The following TAFA1 variants were observed in gnomAD, a reference collection of about 807,000 sequenced individuals.
TAFA1 encodes chemokine-like protein TAFA-1.
In TAFA1, 4 loss-of-function variants were observed where a neutral mutation model predicts 18.5. The ratio of observed to expected loss-of-function variants is 0.22; its 90% confidence interval spans 0.11 to 0.49. The LOEUF is 0.49. Ranked by LOEUF, TAFA1 falls within the 20% of genes least tolerant of loss-of-function variation. The pLI is 0.98. For missense variants in TAFA1, 147 were observed against 169.0 expected (o/e 0.87, Z 0.72); for synonymous variants, 56 against 55.2 (o/e 1.01, Z -0.06).
chr3:68,270,467 T>C (rs2067643357), intron 2 of TAFA1, among the ~76,000 whole-genome samples: 1 of 152,176 alleles, frequency 6.6e-6, no homozygotes, highest in African/African-American at 2.4e-5. Flanking sequence ...AACCAGACCA[T>C]TCTTATGTAA....
At chr3:68,430,830 C>T (rs758605869) in intron 3 of TAFA1, among the ~76,000 whole-genome samples, 1 of 151,890 alleles carries the variant, frequency 6.6e-6, no homozygotes, top group Non-Finnish European at 1.5e-5. Context: ...AGCAAACAAA[C>T]AAAACTTTTG....
intron 3 of TAFA1, among the ~76,000 whole-genome samples, chr3:68,516,116 A>G (rs2106739781): frequency 6.6e-6 from 1 of 152,308 alleles, no homozygotes; most frequent in East Asian, 1.9e-4. Flanking sequence ...TTTGAAATTC[A>G]TTTCTCTCAC....
At chr3:68,346,225 T>C (rs911142842) in intron 2 of TAFA1, among the ~76,000 whole-genome samples, 2 of 152,164 alleles carry the variant, frequency 1.3e-5, no homozygotes, top group African/African-American at 4.8e-5. Context: ...GGCATGATCA[T>C]GGCTCACTGC....
intron 2 of TAFA1, among the ~76,000 whole-genome samples, chr3:68,111,503 A>T (rs1184899272): frequency 2.0e-5 from 3 of 152,168 alleles, no homozygotes. Context: ...GATTCAGAGT[A>T]AAATGGTAAA....
chr3:68,291,512 G>C (rs1291302037), intron 2 of TAFA1, among the ~76,000 whole-genome samples: 1 of 152,062 alleles, frequency 6.6e-6, no homozygotes, highest in Non-Finnish European at 1.5e-5. Flanking sequence ...AAGTGGTGGA[G>C]GGAGATTTTG....
At chr3:68,062,729 G>C (rs376765833) in intron 2 of TAFA1, among the ~76,000 whole-genome samples, 10 of 152,300 alleles carry the variant, frequency 6.6e-5, no homozygotes, top group African/African-American at 2.2e-4. Context: ...CATAGAAGAG[G>C]TAATATTTGA....
intron 3 of TAFA1, among the ~76,000 whole-genome samples, chr3:68,458,379 GAACT>G (rs1257485692): frequency 2.0e-5 from 3 of 152,102 alleles, no homozygotes; most frequent in Admixed American, 6.6e-5. Context: ...TATCATGCAA[GAACT>G]AACTAACATA....
chr3:68,498,721 G>GTTTTTTTTTTTTTTTTTTTTTTTT lies in TAFA1; in HGVS notation c.260-40035_260-40034insTTTTTTTTTTTTTTTTTTTTTTTT, dbSNP rs1559694779. The stretch of plus-strand genomic sequence containing the variant: ...AAATTCCTCCCAAAGCCGTTTGGTG[G>GTTTTTTTTTTTTTTTTTTTTTTTT]CTTTTTTTTTTTTTTTTTTTTTTTT... On this transcript the variant is annotated intron_variant, in intron 3 of 4. Coordinates refer to ENST00000478136, the MANE Select transcript of TAFA1 (RefSeq NM_213609.4). Among the ~76,000 whole-genome samples, 4 of 101,722 alleles carry GTTTTTTTTTTTTTTTTTTTTTTTT rather than the reference G, an allele frequency of 3.9e-5. 1 individual carries two copies. The highest frequency in any genetic ancestry group is 3.6e-5 in the Non-Finnish European group (2 of 55,940). 66.7% of individuals were successfully genotyped at this position (101,722 alleles called of 152,430 possible).
intron 2 of TAFA1, among the ~76,000 whole-genome samples, chr3:68,259,326 A>T (rs2067362294): frequency 6.6e-6 from 1 of 152,202 alleles, no homozygotes; most frequent in Non-Finnish European, 1.5e-5. Context: ...TGAACAAGAA[A>T]AGGGATTTAG....
chr3:68,471,579 G>A (rs1424045867), intron 3 of TAFA1, among the ~76,000 whole-genome samples: 1 of 152,114 alleles, frequency 6.6e-6, no homozygotes, highest in Non-Finnish European at 1.5e-5. Context: ...CATCCAGCAT[G>A]AGAGAAAAAT....
chr3:68,437,342 G>A (rs2071283382), intron 3 of TAFA1, among the ~76,000 whole-genome samples: 1 of 152,222 alleles, frequency 6.6e-6, no homozygotes, highest in Middle Eastern at 3.4e-3. Context: ...GTTTAAAATA[G>A]TTGTATTAGT....
chr3:68,126,010 C>T (rs1229837379), intron 2 of TAFA1, among the ~76,000 whole-genome samples: 1 of 152,134 alleles, frequency 6.6e-6, no homozygotes. Context: ...GCAACAGAGG[C>T]CTTCAAAACA....
chr3:68,067,802 A>C (rs2064699991), intron 2 of TAFA1, among the ~76,000 whole-genome samples: 1 of 151,378 alleles, frequency 6.6e-6, no homozygotes, highest in Admixed American at 6.6e-5. Flanking sequence ...CTGATTGCCT[A>C]TTCTTTGCTC....
chr3:68,016,083 T>C (rs1360338407), intron 2 of TAFA1, among the ~76,000 whole-genome samples: 1 of 152,198 alleles, frequency 6.6e-6, no homozygotes, highest in Non-Finnish European at 1.5e-5. Flanking sequence ...AAATTAGTAG[T>C]GGTTTAGTTT....
At chr3:68,276,821 G>T (rs2107246520) in intron 2 of TAFA1, among the ~76,000 whole-genome samples, 1 of 152,144 alleles carries the variant, frequency 6.6e-6, no homozygotes. Flanking sequence ...GGAGGAAAAG[G>T]TTTGATATGC....
intron 3 of TAFA1, among the ~76,000 whole-genome samples, chr3:68,507,608 C>G (rs2072780916): frequency 1.3e-5 from 2 of 151,982 alleles, no homozygotes; most frequent in Admixed American, 1.3e-4. Context: ...TTTTTAGGCT[C>G]TAAAGTTGTT....
chr3:68,141,824 C>T (rs1435107960), intron 2 of TAFA1, among the ~76,000 whole-genome samples: 1 of 152,206 alleles, frequency 6.6e-6, no homozygotes, highest in African/African-American at 2.4e-5. Context: ...CTGCGCTTCT[C>T]ATCTCTGATA....
At chr3:68,451,054 T>C (rs2071559800) in intron 3 of TAFA1, among the ~76,000 whole-genome samples, 1 of 152,116 alleles carries the variant, frequency 6.6e-6, no homozygotes, top group Non-Finnish European at 1.5e-5. Flanking sequence ...AGCTCCAGAG[T>C]CCAGGCTCTT....
intron 3 of TAFA1, among the ~76,000 whole-genome samples, chr3:68,487,403 G>A (rs534908127): frequency 6.6e-6 from 1 of 152,132 alleles, no homozygotes; most frequent in East Asian, 1.9e-4. Context: ...ATAAGTCATC[G>A]CATATTTGTA....
Sources: allele counts gnomAD v4.1 joint callset (sites outside exome capture counted in the v4.1 genomes callset), GRCh38; gene constraint gnomAD v4.1.1; transcripts MANE v1.5; gene names NCBI Gene and HGNC (gene_info 2026-07-23, HGNC 2026-07-21).